The following IL1RAPL2 variants were observed in gnomAD, a reference collection of about 807,000 sequenced individuals.
IL1RAPL2 encodes interleukin 1 receptor accessory protein like 2.
IL1RAPL2 carries 3 observed loss-of-function variants against 44.1 expected under a neutral mutation model. The observed-to-expected ratio is 0.07, with a 90% confidence interval of 0.03 to 0.18. IL1RAPL2 has a LOEUF of 0.18. Among genes scored for constraint, IL1RAPL2 ranks in the 10% least tolerant of loss-of-function variants. The pLI is 1.00. For missense variants in IL1RAPL2, 391 were observed against 496.4 expected, an observed-to-expected ratio of 0.79 and a Z score of 2.02; for synonymous variants, 181 against 178.8, an observed-to-expected ratio of 1.01 and a Z score of -0.10.
intron 2 of IL1RAPL2, among the ~76,000 whole-genome samples, chrX:104,675,803 T>C (rs1200185132): frequency 9.1e-6 from 1 of 110,437 alleles, no homozygotes; most frequent in Admixed American, 9.6e-5. Context: ...TGCATATATA[T>C]GTAGGATAGT....
chrX:105,454,034 T>C (rs1267152415), intron 5 of IL1RAPL2, among the ~76,000 whole-genome samples: 2 of 111,386 alleles, frequency 1.8e-5, no homozygotes, highest in Non-Finnish European at 3.8e-5. Flanking sequence ...CAAAATTTTC[T>C]GAAGCACAGA....
At chrX:105,746,057 A>G (rs2038538946) in intron 8 of IL1RAPL2, among the ~76,000 whole-genome samples, 1 of 111,906 alleles carries the variant, frequency 8.9e-6, no homozygotes, top group Non-Finnish European at 1.9e-5. Flanking sequence ...TCAGACCATG[A>G]CAGAAGCCCT....
chrX:105,567,411 A>G (rs1281630948), intron 6 of IL1RAPL2, among the ~76,000 whole-genome samples: 1 of 111,908 alleles, frequency 8.9e-6, no homozygotes, highest in East Asian at 2.8e-4. Context: ...AACAGTACAC[A>G]TATGTTAATT....
intron 1 of IL1RAPL2, among the ~76,000 whole-genome samples, chrX:104,583,744 G>A (rs1254967641): frequency 9.0e-6 from 1 of 111,528 alleles, no homozygotes; most frequent in Non-Finnish European, 1.9e-5. Context: ...ACTAAGCACT[G>A]ATCCAGATAT....
intron 2 of IL1RAPL2, among the ~76,000 whole-genome samples, chrX:105,182,147 C>A (rs2033538438): frequency 9.1e-6 from 1 of 110,372 alleles, no homozygotes; most frequent in Non-Finnish European, 1.9e-5. Context: ...TTTGTTAGAT[C>A]CATTTGTTTA....
At chrX:104,810,219 G>T (rs946870293) in intron 2 of IL1RAPL2, among the ~76,000 whole-genome samples, 4 of 109,247 alleles carry the variant, frequency 3.7e-5, no homozygotes, top group Non-Finnish European at 3.8e-5. Context: ...AACAATGAGA[G>T]CACATGGACA....
At chrX:104,717,711 T>C (rs193084738) in intron 2 of IL1RAPL2, among the ~76,000 whole-genome samples, 141 of 109,676 alleles carry the variant, frequency 1.3e-3, no homozygotes, top group African/African-American at 4.6e-3. Context: ...GCTGCACCCA[T>C]TAACTCGTCA....
At chrX:104,747,568 A>C (rs1281644722) in intron 2 of IL1RAPL2, among the ~76,000 whole-genome samples, 1 of 111,186 alleles carries the variant, frequency 9.0e-6, no homozygotes, top group Non-Finnish European at 1.9e-5. Context: ...AAGGGGCCAT[A>C]TAGACTAAGA....
At chrX:105,502,341 T>G in intron 6 of IL1RAPL2, among the ~76,000 whole-genome samples, 1 of 111,764 alleles carries the variant, frequency 8.9e-6, no homozygotes, top group East Asian at 2.8e-4. Context: ...TTATAGGAAC[T>G]ATACACTATT....
intron 3 of IL1RAPL2, among the ~76,000 whole-genome samples, chrX:105,233,445 C>T (rs1556198040): frequency 8.9e-6 from 1 of 111,860 alleles, no homozygotes; most frequent in African/African-American, 3.2e-5. Context: ...AAGGACTGGC[C>T]ACAGGGACAG....
chrX:104,582,774 T>TCTCTCTCTCTTTCTTTCTTTCC (rs1491578956), intron 1 of IL1RAPL2, among the ~76,000 whole-genome samples: 4 of 99,118 alleles, frequency 4.0e-5, no homozygotes, highest in Admixed American at 1.1e-4. Context: ...CTTTTTTCTT[T>TCTCTCTCTCTTTCTTTCTTTCC]CTCTCTCTCT....
chrX:105,740,424 C>A, intron 7 of IL1RAPL2, 122 bp from the exon 8 acceptor site: 1 of 641,382 alleles, frequency 1.6e-6, no homozygotes, highest in Non-Finnish European at 2.4e-6. Context: ...ATACACCCAG[C>A]CAGGATTCTC....
chrX:104,852,901 A>C (rs1015796096), intron 2 of IL1RAPL2, among the ~76,000 whole-genome samples: 1 of 111,816 alleles, frequency 8.9e-6, no homozygotes, highest in Non-Finnish European at 1.9e-5. Flanking sequence ...AGAAGGATGC[A>C]GCTGTGAATC....
intron 2 of IL1RAPL2, 70 bp downstream of exon 2, chrX:104,659,065 G>A: frequency 2.8e-6 from 2 of 718,655 alleles, no homozygotes; most frequent in Non-Finnish European, 4.3e-6. Flanking sequence ...GAGGGCACCT[G>A]TGCCTTTAAC....
intron 2 of IL1RAPL2, among the ~76,000 whole-genome samples, chrX:104,744,242 A>G (rs1932137997): frequency 9.0e-6 from 1 of 111,330 alleles, no homozygotes. Context: ...GCACTTCAGG[A>G]GGGAAGAATA....
intron 4 of IL1RAPL2, among the ~76,000 whole-genome samples, chrX:105,241,451 T>A (rs1420908986): frequency 1.8e-5 from 2 of 111,921 alleles, no homozygotes; most frequent in Non-Finnish European, 3.8e-5. Context: ...TCTTTCATTA[T>A]TCTTTAATAT....
chrX:105,294,453 A>G (rs1413388815), intron 5 of IL1RAPL2, among the ~76,000 whole-genome samples: 3 of 112,110 alleles, frequency 2.7e-5, no homozygotes, highest in Non-Finnish European at 3.8e-5. Flanking sequence ...AACACATAAG[A>G]TGGTCAGGGA....
chrX:105,302,735 T>C (rs1190334926), intron 5 of IL1RAPL2, among the ~76,000 whole-genome samples: 4 of 111,982 alleles, frequency 3.6e-5, no homozygotes, highest in Non-Finnish European at 7.5e-5. Flanking sequence ...AGCACTCCCT[T>C]GGGCGCTCTC....
rs771941780 is a variant in IL1RAPL2 at position 105,614,765 on chromosome X, T to C, written c.773-102602T>C. On this transcript the variant is annotated intron_variant, in intron 6 of 10. Transcript: ENST00000372582. ...TTAGAGAAACTCTAGGACATGGGAA[T>C]AGGCAAAGATTTCTTGAGTAATACC... Among the ~76,000 whole-genome samples, 4 of 111,899 alleles carry C rather than the reference T, an allele frequency of 3.6e-5. No homozygotes were observed. The East Asian group carries it at 1.1e-3, about 32-fold the overall frequency.
Sources: allele counts gnomAD v4.1 joint callset (sites outside exome capture counted in the v4.1 genomes callset), GRCh38; gene constraint gnomAD v4.1.1; transcripts MANE v1.5; gene names NCBI Gene and HGNC (gene_info 2026-07-23, HGNC 2026-07-21).